The following EVL variants were observed in gnomAD, a reference collection of about 807,000 sequenced individuals.
EVL encodes Enah/Vasp-like.
Under a neutral mutation model 59.6 loss-of-function variants are expected in EVL, and 21 were observed. The observed-to-expected ratio is 0.35, with a 90% confidence interval of 0.25 to 0.51. EVL has a LOEUF of 0.51. Among genes scored for constraint, EVL ranks in the 20% least tolerant of loss-of-function variants. The pLI, the probability that EVL is intolerant of heterozygous loss-of-function variation, is 0.97. For missense variants in EVL, 462 were observed against 546.6 expected, an observed-to-expected ratio of 0.85 and a Z score of 1.54; for synonymous variants, 198 against 203.5, an observed-to-expected ratio of 0.97 and a Z score of 0.23.
intron 1 of EVL, among the ~76,000 whole-genome samples, chr14:100,026,596 G>T (rs1420614577): frequency 1.3e-5 from 2 of 152,120 alleles, no homozygotes; most frequent in East Asian, 1.9e-4. Context: ...GGGGTAGAAT[G>T]ACCTACCCTC....
At chr14:100,123,849 C>A (rs1887857224) in intron 4 of EVL, among the ~76,000 whole-genome samples, 1 of 152,226 alleles carries the variant, frequency 6.6e-6, no homozygotes, top group Non-Finnish European at 1.5e-5. Flanking sequence ...GTGCTGCTGA[C>A]CTCCAGCGGG....
chr14:100,015,156 C>T (rs1490441222), intron 1 of EVL, among the ~76,000 whole-genome samples: 1 of 152,134 alleles, frequency 6.6e-6, no homozygotes, highest in African/African-American at 2.4e-5. Flanking sequence ...GTCTCAAGTC[C>T]ACGGGACATC....
intron 3 of EVL, among the ~76,000 whole-genome samples, chr14:100,105,052 C>T (rs1262135298): frequency 6.6e-6 from 1 of 152,024 alleles, no homozygotes; most frequent in Admixed American, 6.5e-5. Context: ...ACATCCAGGG[C>T]CACCTCCTTG....
chr14:100,027,610 T>C (rs906873930), intron 1 of EVL, among the ~76,000 whole-genome samples: 7 of 152,224 alleles, frequency 4.6e-5, no homozygotes, highest in Admixed American at 4.6e-4. Context: ...TGAATAATAT[T>C]CTACTGTATA....
chr14:100,138,047 G>C, intron 11 of EVL: 2 of 587,362 alleles, frequency 3.4e-6, no homozygotes, highest in South Asian at 2.0e-5. Context: ...GTAGTGCAGG[G>C]GGGGGCCAAC....
chr14:100,111,586 C>G (rs1382400064), intron 3 of EVL, among the ~76,000 whole-genome samples: 2 of 152,112 alleles, frequency 1.3e-5, no homozygotes, highest in Non-Finnish European at 2.9e-5. Context: ...CCTGGAGTGC[C>G]CAATCCCTAG....
chr14:100,079,446 A>G (rs2062242879), intron 1 of EVL, among the ~76,000 whole-genome samples: 1 of 152,188 alleles, frequency 6.6e-6, no homozygotes, highest in South Asian at 2.1e-4. Flanking sequence ...TCCTGCCTTC[A>G]AGGAGCTCAC....
chr14:100,088,616 A>G (rs1458185687), intron 2 of EVL, among the ~76,000 whole-genome samples: 1 of 152,236 alleles, frequency 6.6e-6, no homozygotes, highest in Non-Finnish European at 1.5e-5. Flanking sequence ...TAGAAAAAGT[A>G]TAGTAAAAAT....
intron 1 of EVL, among the ~76,000 whole-genome samples, chr14:100,037,662 A>G (rs1159437194): frequency 3.3e-5 from 5 of 152,228 alleles, no homozygotes; most frequent in Admixed American, 6.5e-5. Flanking sequence ...TTCCTTAGGT[A>G]TCCCCTTGTT....
chr14:99,975,182 T>G (rs1010951843), intron 1 of EVL: 1 of 152,292 alleles, frequency 6.6e-6, no homozygotes, highest in African/African-American at 2.4e-5. Flanking sequence ...TTTTAGCATT[T>G]TAAAGCTATT....
chr14:100,088,304 A>G (rs1020696255), intron 2 of EVL, among the ~76,000 whole-genome samples: 1 of 152,208 alleles, frequency 6.6e-6, no homozygotes, highest in African/African-American at 2.4e-5. Flanking sequence ...ACCATCAAGC[A>G]TCTTTCTTTT....
intron 1 of EVL, among the ~76,000 whole-genome samples, chr14:100,035,576 A>G (rs1325955824): frequency 2.0e-5 from 3 of 152,120 alleles, no homozygotes; most frequent in Non-Finnish European, 2.9e-5. Flanking sequence ...CAGGTGCGTC[A>G]TTTACCCTCT....
chr14:100,041,021 A>C (rs2061459601), intron 1 of EVL, among the ~76,000 whole-genome samples: 1 of 152,230 alleles, frequency 6.6e-6, no homozygotes, highest in Non-Finnish European at 1.5e-5. Context: ...CGGGTCAGTC[A>C]ACACTATAAA....
chr14:100,043,255 A>G (rs537678068), intron 1 of EVL, among the ~76,000 whole-genome samples: 44 of 150,576 alleles, frequency 2.9e-4, no homozygotes, highest in African/African-American at 9.5e-4. Flanking sequence ...GTATATATAT[A>G]TGTGTGTGTG....
chr14:100,075,201 G>A (rs1471159125), intron 1 of EVL, among the ~76,000 whole-genome samples: 3 of 152,254 alleles, frequency 2.0e-5, no homozygotes, highest in African/African-American at 7.2e-5. Context: ...ATGTGCTTCA[G>A]AGAGAGACTG....
At chr14:100,083,670 G>T (rs1376551584) in intron 1 of EVL, among the ~76,000 whole-genome samples, 2 of 152,148 alleles carry the variant, frequency 1.3e-5, no homozygotes, top group Non-Finnish European at 2.9e-5. Flanking sequence ...AACAAATGAG[G>T]TTGCTTTACT....
upstream of EVL, among the ~76,000 whole-genome samples, chr14:100,060,651 A>G (rs1376747462): frequency 6.6e-6 from 1 of 152,158 alleles, no homozygotes; most frequent in African/African-American, 2.4e-5. Context: ...GTGTAATTGG[A>G]GTGCCAGAGG....
At chr14:100,113,709 C>T (rs1354493838) in intron 3 of EVL, among the ~76,000 whole-genome samples, 1 of 152,050 alleles carries the variant, frequency 6.6e-6, no homozygotes. Context: ...CGTATTTTGC[C>T]TATTTGAACT....
intron 1 of EVL, among the ~76,000 whole-genome samples, chr14:100,035,004 CAA>C (rs1185193393): frequency 6.6e-6 from 1 of 152,202 alleles, no homozygotes; most frequent in Non-Finnish European, 1.5e-5. Flanking sequence ...TGTAGCACAG[CAA>C]CTACCAGCTA....
Sources: gnomAD v4.1 joint callset for allele counts (sites outside exome capture counted in the v4.1 genomes callset) on GRCh38, gnomAD v4.1.1 for gene constraint, MANE v1.5 for transcripts, NCBI Gene and HGNC (gene_info 2026-07-23, HGNC 2026-07-21) for gene names.